The following TAB2 variants were observed in gnomAD, a reference collection of about 807,000 sequenced individuals.
TAB2 encodes the protein TGF-beta-activated kinase 1 and MAP3K7-binding protein 2.
TAB2 carries 3 observed loss-of-function variants against 65.0 expected under a neutral mutation model. The ratio of observed to expected loss-of-function variants is 0.05; its 90% CI spans 0.02 to 0.12. The LOEUF is 0.12. TAB2 is among the 10% of genes least tolerant of loss of function. TAB2 has a pLI of 1.00. For synonymous variants in TAB2, 298 were observed against 285.1 expected, an observed-to-expected ratio of 1.05 and a Z score of -0.46; for missense variants, 623 against 840.3, an observed-to-expected ratio of 0.74 and a Z score of 3.20.
chr6:149,404,573 T>G (rs1304127721), intron 6 of TAB2, among the ~76,000 whole-genome samples: 1 of 152,120 alleles, frequency 6.6e-6, no homozygotes, highest in Admixed American at 6.6e-5. Context: ...GGTACTGACA[T>G]AAAAACAGAC....
chr6:149,275,989 T>A (rs1332458956), intron 1 of TAB2, among the ~76,000 whole-genome samples: 2 of 152,188 alleles, frequency 1.3e-5, no homozygotes, highest in East Asian at 3.9e-4. Context: ...AAGAGGACAT[T>A]AGGCATAACT....
intron 3 of TAB2, among the ~76,000 whole-genome samples, chr6:149,382,946 G>A (rs1781667183): frequency 6.6e-6 from 1 of 152,176 alleles, no homozygotes; most frequent in South Asian, 2.1e-4. Flanking sequence ...AAGGTCAAAA[G>A]ATCAAGACCA....
intron 1 of TAB2, among the ~76,000 whole-genome samples, chr6:149,362,387 G>A (rs528287877): frequency 9.1e-4 from 139 of 152,250 alleles, no homozygotes; most frequent in African/African-American, 3.1e-3. Flanking sequence ...CACATAGAGC[G>A]GGTGCAAGAG....
chr6:149,346,640 G>A (rs1032753511), intron 1 of TAB2: 2 of 151,916 alleles, frequency 1.3e-5, no homozygotes, highest in African/African-American at 4.8e-5. Context: ...TTTTAGTAGA[G>A]ATGGGGCTTC....
upstream of TAB2, among the ~76,000 whole-genome samples, chr6:149,314,076 G>GAATTTCCA (rs1373436770): frequency 2.6e-5 from 4 of 152,112 alleles, 1 homozygote; most frequent in Non-Finnish European, 5.9e-5. Flanking sequence ...TGCTACTTTG[G>GAATTTCCA]AATTTCCAAA....
At chr6:149,397,905 ATT>A in intron 4 of TAB2, 62 bp from the exon 5 acceptor site, 1 of 1,584,542 alleles carries the variant, frequency 6.3e-7, no homozygotes, top group Non-Finnish European at 8.6e-7. Context: ...GCCAAACTCC[ATT>A]CTTTATTAAC....
rs1386650440 is a variant in TAB2 at position 149,378,850 on chromosome 6, A to T, written c.935A>T (p.Tyr312Phe). The part of the protein sequence containing the change: ...GSSQSSAHSQ[Y>F]NIQNISTGPR... ...TCACAGTCTTCTGCCCATAGCCAAT[A>T]TAACATTCAGAATATTTCAACAGGA... Residue 312 changes from tyrosine to phenylalanine, a missense_variant, in exon 3 of 7, where the codon TAT (tyrosine) becomes TTT (phenylalanine). Transcript: ENST00000637181. 2 of 1,614,080 alleles carry T rather than the reference A, an allele frequency of 1.2e-6. No homozygotes were observed. The highest frequency in any genetic ancestry group is 1.7e-6 in the Non-Finnish European group (2 of 1,180,046).
intron 1 of TAB2, among the ~76,000 whole-genome samples, chr6:149,269,633 G>A (rs1247974586): frequency 1.3e-5 from 2 of 152,076 alleles, no homozygotes; most frequent in Non-Finnish European, 2.9e-5. Flanking sequence ...CCATTGATTG[G>A]TTATCTGTCC....
chr6:149,401,478 G>A (rs1782409575), intron 6 of TAB2, among the ~76,000 whole-genome samples: 1 of 151,758 alleles, frequency 6.6e-6, no homozygotes, highest in Admixed American at 6.6e-5. Flanking sequence ...ATTATGTAAT[G>A]GTAAAAGGAT....
At chr6:149,276,461 C>T (rs57586444) in intron 1 of TAB2, among the ~76,000 whole-genome samples, 3,602 of 152,236 alleles carry the variant, frequency 0.024, 148 homozygotes, top group African/African-American at 0.081. Context: ...AATTTGATGG[C>T]TAAAAATGTT....
At chr6:149,233,256 A>G (rs1039705733) in intron 1 of TAB2, among the ~76,000 whole-genome samples, 1 of 152,272 alleles carries the variant, frequency 6.6e-6, no homozygotes, top group East Asian at 1.9e-4. Context: ...AGTGACCAAG[A>G]ATCTGTCATC....
intron 1 of TAB2, among the ~76,000 whole-genome samples, chr6:149,334,125 G>A (rs79189596): frequency 0.028 from 4,304 of 152,182 alleles, 97 homozygotes; most frequent in East Asian, 0.068. Context: ...AATCATTTTT[G>A]TTATAACTCT....
chr6:149,253,731 G>A (rs1488846124), intron 1 of TAB2, among the ~76,000 whole-genome samples: 1 of 151,262 alleles, frequency 6.6e-6, no homozygotes, highest in African/African-American at 2.4e-5. Flanking sequence ...AGCCCATCCT[G>A]GCTAACATGG....
chr6:149,406,491 G>GGTA (rs1782668787), intron 6 of TAB2, among the ~76,000 whole-genome samples: 1 of 152,164 alleles, frequency 6.6e-6, no homozygotes. Context: ...GGAATACCAT[G>GGTA]TTAAACTGGG....
intron 1 of TAB2, among the ~76,000 whole-genome samples, chr6:149,344,291 A>G (rs910847787): frequency 4.6e-5 from 7 of 152,202 alleles, no homozygotes; most frequent in African/African-American, 9.6e-5. Context: ...TTCAATGTAA[A>G]TAGACACAGC....
intron 1 of TAB2, among the ~76,000 whole-genome samples, chr6:149,283,383 A>T (rs1778611429): frequency 6.6e-6 from 1 of 152,236 alleles, no homozygotes; most frequent in African/African-American, 2.4e-5. Context: ...TCACAAAGTA[A>T]GGACAGAGAA....
chr6:149,337,673 C>T (rs191341470), intron 1 of TAB2, among the ~76,000 whole-genome samples: 114 of 152,314 alleles, frequency 7.5e-4, no homozygotes, highest in Middle Eastern at 6.8e-3. Context: ...CAGTCACTAT[C>T]CTTCCTCTTT....
intron 2 of TAB2, among the ~76,000 whole-genome samples, chr6:149,372,653 C>G (rs1309531123): frequency 6.6e-6 from 1 of 152,064 alleles, no homozygotes; most frequent in African/African-American, 2.4e-5. Context: ...AAATACTTTG[C>G]TTGCCTGAAA....
intron 1 of TAB2, among the ~76,000 whole-genome samples, chr6:149,296,418 A>C (rs1310471041): frequency 6.6e-6 from 1 of 152,146 alleles, no homozygotes; most frequent in Non-Finnish European, 1.5e-5. Flanking sequence ...GTCAATGCAA[A>C]AGTGACTTCT....
Sources: gnomAD v4.1 joint callset for allele counts (sites outside exome capture counted in the v4.1 genomes callset) on GRCh38, gnomAD v4.1.1 for gene constraint, MANE v1.5 for transcripts, NCBI Gene and HGNC (gene_info 2026-07-23, HGNC 2026-07-21) for gene names.